The following DYM variants were observed in gnomAD, a reference collection of about 807,000 sequenced individuals.
DYM encodes the protein dymeclin, also known as dyggve-Melchior-Clausen syndrome protein.
A neutral mutation model predicts 93.1 loss-of-function variants in DYM; 78 were observed. The observed-to-expected ratio is 0.84, with a 90% CI of 0.70 to 1.01. DYM has a LOEUF of 1.01. Among genes scored for constraint, DYM ranks in the 50% least tolerant of loss-of-function variants. The pLI is 0.00. For missense variants in DYM, 789 were observed against 845.0 expected (o/e 0.93, Z 0.82); for synonymous variants, 321 against 319.7 (o/e 1.00, Z -0.04).
intron 15 of DYM, among the ~76,000 whole-genome samples, chr18:49,119,931 T>C (rs944387579): frequency 6.6e-6 from 1 of 151,712 alleles, no homozygotes; most frequent in African/African-American, 2.4e-5. Context: ...ACACAAAAAT[T>C]AGCCAGGCGT....
chr18:49,142,839 A>T (rs2084674505), intron 15 of DYM, among the ~76,000 whole-genome samples: 1 of 152,210 alleles, frequency 6.6e-6, no homozygotes, highest in Non-Finnish European at 1.5e-5. Flanking sequence ...CTAATAGGAA[A>T]GATGATAAGG....
At chr18:49,250,555 CTT>C (rs2094263486) in intron 13 of DYM, among the ~76,000 whole-genome samples, 1 of 152,180 alleles carries the variant, frequency 6.6e-6, no homozygotes, top group Non-Finnish European at 1.5e-5. Flanking sequence ...GGTTCTTTCT[CTT>C]TGTAATCTGA....
intron 17 of DYM, among the ~76,000 whole-genome samples, chr18:49,092,989 G>T (rs1379620881): frequency 6.6e-6 from 1 of 152,166 alleles, no homozygotes; most frequent in East Asian, 1.9e-4. Flanking sequence ...AAGGACCAAA[G>T]GAGAAATCAA....
chr18:49,184,689 C>T (rs78614134), intron 14 of DYM, among the ~76,000 whole-genome samples: 2,160 of 152,200 alleles, frequency 0.014, 107 homozygotes, highest in East Asian at 0.098. Flanking sequence ...AGGGATGATT[C>T]GCATTCCAGG....
chr18:49,207,455 T>C (rs932868224), intron 14 of DYM, among the ~76,000 whole-genome samples: 7 of 152,202 alleles, frequency 4.6e-5, no homozygotes, highest in African/African-American at 1.4e-4. Flanking sequence ...GGCTAAACTA[T>C]TGTGCCCAGT....
intron 17 of DYM, among the ~76,000 whole-genome samples, chr18:49,076,072 CAAA>C (rs1384896624): frequency 2.6e-5 from 4 of 152,018 alleles, no homozygotes; most frequent in African/African-American, 9.7e-5. Context: ...AAGTAAATTT[CAAA>C]AAAGCAAAGC....
chr18:49,075,959 T>C (rs1034299864), intron 17 of DYM, among the ~76,000 whole-genome samples: 3 of 152,204 alleles, frequency 2.0e-5, no homozygotes, highest in Non-Finnish European at 4.4e-5. Flanking sequence ...ATTTTTTCTT[T>C]CATTGGGGCT....
chr18:49,184,780 C>T (rs2090283404), intron 14 of DYM, among the ~76,000 whole-genome samples: 1 of 152,140 alleles, frequency 6.6e-6, no homozygotes, highest in Non-Finnish European at 1.5e-5. Flanking sequence ...CTGAAACTTT[C>T]CATTTAATAT....
chr18:49,292,088 C>A (rs1162450348), intron 8 of DYM, among the ~76,000 whole-genome samples: 1 of 151,964 alleles, frequency 6.6e-6, no homozygotes, highest in Non-Finnish European at 1.5e-5. Flanking sequence ...TTTTTTGGAT[C>A]CTCTTCACAG....
chr18:49,195,815 C>T (rs114306245), intron 14 of DYM, among the ~76,000 whole-genome samples: 1,691 of 151,270 alleles, frequency 0.011, 32 homozygotes, highest in African/African-American at 0.039. Flanking sequence ...AGGGAGCCTT[C>T]GTTTAGTCAG....
At chr18:49,081,645 T>G (rs1232769042) in intron 17 of DYM, among the ~76,000 whole-genome samples, 1 of 152,138 alleles carries the variant, frequency 6.6e-6, no homozygotes, top group East Asian at 1.9e-4. Context: ...CCAGGCTGTT[T>G]AAAGTTTGTT....
At chr18:49,340,348 C>A (rs2146985431) in intron 6 of DYM, among the ~76,000 whole-genome samples, 1 of 151,784 alleles carries the variant, frequency 6.6e-6, no homozygotes, top group East Asian at 1.9e-4. Context: ...TAAAAAAAAA[C>A]AGAATGAGTT....
rs375104260 is a variant in DYM, at chr18:49,387,162, C to T, written c.193+4431G>A. Among the ~76,000 whole-genome samples the T allele has an allele frequency of 1.8e-4, 28 of 152,048 alleles. No homozygotes were observed. The East Asian group carries it at 3.3e-3, about 18-fold the overall frequency. On this transcript the variant is annotated intron_variant, in intron 3 of 17. Coordinates refer to ENST00000675505, the MANE Select transcript of DYM (RefSeq NM_001353214.3). ...TATGTTGCTCCTGGACTCAAGAATC[C>T]TCCCGCCTTGGCCTCCCAAAGTGCT...
At chr18:49,183,754 T>C (rs1450277132) in intron 14 of DYM, among the ~76,000 whole-genome samples, 2 of 152,054 alleles carry the variant, frequency 1.3e-5, no homozygotes, top group Non-Finnish European at 1.5e-5. Flanking sequence ...TGTATGTGTC[T>C]CCCCCAAATT....
intron 10 of DYM, among the ~76,000 whole-genome samples, chr18:49,273,027 C>T (rs1296710861): frequency 6.6e-6 from 1 of 151,304 alleles, no homozygotes; most frequent in Non-Finnish European, 1.5e-5. Context: ...AAAAAAAAAT[C>T]TATCATCTAA....
chr18:49,332,034 C>T (rs1263093172), intron 7 of DYM, 28 bp from the exon 8 acceptor site: 1 of 1,606,360 alleles, frequency 6.2e-7, no homozygotes, highest in Non-Finnish European at 8.5e-7. Flanking sequence ...AAAAATCAAA[C>T]TCATATTTAT....
At chr18:49,213,750 T>TCC (rs772590837) in intron 13 of DYM, among the ~76,000 whole-genome samples, 14 of 152,160 alleles carry the variant, frequency 9.2e-5, no homozygotes, top group Non-Finnish European at 1.8e-4. Flanking sequence ...TTCCCTCCTC[T>TCC]CCTTCCTTTG....
At chr18:49,452,349 G>T (rs1398129734) in intron 1 of DYM, among the ~76,000 whole-genome samples, 1 of 152,132 alleles carries the variant, frequency 6.6e-6, no homozygotes, top group Non-Finnish European at 1.5e-5. Flanking sequence ...TGTGGAAGGG[G>T]ACCTGAGCGG....
intron 1 of DYM, among the ~76,000 whole-genome samples, chr18:49,459,762 C>G (rs559876446): frequency 6.8e-4 from 103 of 152,300 alleles, no homozygotes; most frequent in African/African-American, 2.4e-3. Flanking sequence ...CCAATACCCT[C>G]AAACCCCACT....
Sources: allele counts gnomAD v4.1 joint callset (sites outside exome capture counted in the v4.1 genomes callset), GRCh38; gene constraint gnomAD v4.1.1; transcripts MANE v1.5; gene names NCBI Gene and HGNC (gene_info 2026-07-23, HGNC 2026-07-21).